Variants in PPP1R36 observed in about 807,000 individuals in gnomAD.
PPP1R36 encodes protein phosphatase 1 regulatory subunit 36.
Under a neutral mutation model 53.4 loss-of-function variants are expected in PPP1R36, and 47 were observed. The observed-to-expected ratio is 0.88, with a 90% CI of 0.70 to 1.12. The LOEUF (loss-of-function observed/expected upper bound fraction) is 1.12, where lower values mean the gene tolerates loss of function less well. Among genes scored for constraint, PPP1R36 ranks in the 50% most tolerant of loss-of-function variants. The probability of loss-of-function intolerance (pLI) is 0.00; values close to 1 mark genes in which losing one functional copy is unlikely to be tolerated. For missense variants in PPP1R36, 456 were observed against 513.9 expected (o/e 0.89, Z 1.09); for synonymous variants, 153 against 170.5 (o/e 0.90, Z 0.80).
chr14:64,585,619 C>T (rs1349641714), intron 8 of PPP1R36, among the ~76,000 whole-genome samples: 1 of 151,770 alleles, frequency 6.6e-6, no homozygotes, highest in African/African-American at 2.4e-5. Flanking sequence ...CCAGAACCAT[C>T]CTGAACTCCT....
chr14:64,589,380 T>G lies in PPP1R36; in HGVS notation c.*42T>G. ...TCTCAAGTAAACTACTTTGACTTTA[T>G]AGAAGATGGTTATTCGTTGTTATTA... On this transcript the variant is annotated 3_prime_UTR_variant, in exon 12 of 12. Coordinates refer to ENST00000298705, the MANE Select transcript of PPP1R36 (RefSeq NM_172365.3). 1.4e-6 allele frequency: 2 copies of G among 1,397,486 alleles called. No individual in the cohort carries two copies. The highest frequency in any genetic ancestry group is 1.8e-4 in the Middle Eastern group (1 of 5,632). 86.6% of individuals were successfully genotyped at this position (1,397,486 alleles called of 1,614,324 possible). A position where few individuals can be genotyped will look rare whatever the true frequency, so the allele number is the denominator to read the frequency against.
At chr14:64,556,107 T>A (rs1056370240) in intron 3 of PPP1R36, among the ~76,000 whole-genome samples, 4 of 151,092 alleles carry the variant, frequency 2.6e-5, no homozygotes, top group African/African-American at 4.9e-5. Context: ...AATTCCAAAA[T>A]CTGAAGTCTT....
At chr14:64,553,174 C>T (rs1454046911) in intron 3 of PPP1R36, among the ~76,000 whole-genome samples, 1 of 151,990 alleles carries the variant, frequency 6.6e-6, no homozygotes, top group Non-Finnish European at 1.5e-5. Context: ...AGGCTGGTCT[C>T]GAACTCCTGG....
chr14:64,579,192 A>C (rs2080366899), intron 8 of PPP1R36, among the ~76,000 whole-genome samples: 1 of 152,236 alleles, frequency 6.6e-6, no homozygotes, highest in Admixed American at 6.5e-5. Context: ...CGATGTGATA[A>C]TACGTACAAC....
chr14:64,588,374 A>C (rs1596753121), intron 11 of PPP1R36, 79 bp downstream of exon 11: 1 of 1,271,308 alleles, frequency 7.9e-7, no homozygotes, highest in African/African-American at 1.5e-5. Context: ...GGGCCCAGGC[A>C]CCATGCCTCT....
chr14:64,558,049 A>G (rs1003837483), intron 3 of PPP1R36, among the ~76,000 whole-genome samples: 3 of 152,162 alleles, frequency 2.0e-5, no homozygotes, highest in Non-Finnish European at 4.4e-5. Context: ...TGATACAGAT[A>G]GGCCTCAGGG....
intron 3 of PPP1R36, among the ~76,000 whole-genome samples, chr14:64,554,151 T>TG (rs2080124238): frequency 2.1e-5 from 3 of 142,114 alleles, no homozygotes; most frequent in Admixed American, 6.9e-5. Context: ...TGTTTTTTTT[T>TG]TTTTTTTTTT....
chr14:64,586,726 A>T, intron 8 of PPP1R36, 111 bp from the exon 9 acceptor site: 1 of 695,884 alleles, frequency 1.4e-6, no homozygotes, highest in South Asian at 2.1e-5. Context: ...TGTAGCTGAA[A>T]ATAATCTTGG....
chr14:64,552,727 C>A lies in PPP1R36; in HGVS notation c.135-87C>A, dbSNP rs1015216160. ...CTTAACATTTTATTAGAGTCAAAAT[C>A]AAAAGTTTACATTTTATAGAATATG... On this transcript the variant is annotated intron_variant, in intron 2 of 11. Coordinates refer to ENST00000298705, the MANE Select transcript of PPP1R36 (RefSeq NM_172365.3). 107 of 1,037,172 alleles carry A rather than the reference C, an allele frequency of 1.0e-4. 1 individual carries two copies. The highest frequency in any genetic ancestry group is 4.0e-5 in the Admixed American group (2 of 49,824). 64.2% of individuals were successfully genotyped at this position (1,037,172 alleles called of 1,614,324 possible).
chr14:64,562,910 A>C (rs1173862741), intron 3 of PPP1R36, among the ~76,000 whole-genome samples: 8 of 152,138 alleles, frequency 5.3e-5, no homozygotes, highest in Admixed American at 5.2e-4. Context: ...CTTGTTGCCC[A>C]GGCTGGAGTG....
At chr14:64,565,532 C>T (rs1596732815) in intron 5 of PPP1R36, 78 bp downstream of exon 5, 3 of 1,415,072 alleles carry the variant, frequency 2.1e-6, no homozygotes, top group Middle Eastern at 1.8e-4. Flanking sequence ...AACATCCGCC[C>T]ATCTACATAT....
rs752808011 is a variant in PPP1R36 at position 64,564,607 on chromosome 14, A to G, written c.183-144A>G. On this transcript the variant is annotated intron_variant, in intron 3 of 11. Coordinates refer to ENST00000298705, the MANE Select transcript of PPP1R36 (RefSeq NM_172365.3). ...AATTTTTTCTCTAGATAAGTGTTCC[A>G]TATATAAATAGATGAATTGAACACT... The G allele has an allele frequency of 1.4e-5, 7 of 515,310 alleles. No homozygotes were observed. The South Asian group carries it at 1.4e-4, about 10-fold the overall frequency. The allele number at this position is 515,310 out of a possible 1,614,324, so 31.9% of individuals were successfully genotyped here. A position where few individuals can be genotyped will look rare whatever the true frequency, so the allele number is the denominator to read the frequency against.
intron 8 of PPP1R36, among the ~76,000 whole-genome samples, chr14:64,582,758 A>C (rs908751226): frequency 3.3e-5 from 5 of 152,138 alleles, no homozygotes; most frequent in Non-Finnish European, 5.9e-5. Context: ...GCTACTAGAA[A>C]ATTTAAAATT....
chr14:64,551,009 A>C lies in PPP1R36; in HGVS notation c.134+24A>C, dbSNP rs768220460. ...AGGTAAAATTTAACAACACTTTATT[A>C]GAGTTTTTATAAAAATTACATGTGC... On this transcript the variant is annotated intron_variant, in intron 2 of 11. Transcript: ENST00000298705. 8 of 1,509,134 alleles carry C rather than the reference A, an allele frequency of 5.3e-6. No individual in the cohort carries two copies. In the African/African-American group the frequency reaches 9.7e-5, roughly 18 times the overall value. The allele number at this position is 1,509,134 out of a possible 1,614,324, so 93.5% of individuals were successfully genotyped here.
chr14:64,568,191 G>C (rs1054637108), intron 6 of PPP1R36, among the ~76,000 whole-genome samples, 158 bp from the exon 7 acceptor site: 2 of 152,064 alleles, frequency 1.3e-5, no homozygotes, highest in African/African-American at 4.8e-5. Context: ...ATATATAGTA[G>C]ATATAATTTT....
chr14:64,588,695 G>T, intron 11 of PPP1R36: 1 of 182,368 alleles, frequency 5.5e-6, no homozygotes. Context: ...TGAGTAGCTG[G>T]GATTATAGGC....
intron 7 of PPP1R36, among the ~76,000 whole-genome samples, chr14:64,569,958 C>T (rs1426447186): frequency 6.6e-6 from 1 of 151,606 alleles, no homozygotes; most frequent in African/African-American, 2.4e-5. Context: ...AATCTGGTCT[C>T]GAACTCCTGA....
intron 3 of PPP1R36, among the ~76,000 whole-genome samples, chr14:64,554,476 C>CCTATCTGTTACAGATAGTTA (rs1566647825): frequency 1.4e-4 from 21 of 152,070 alleles, no homozygotes; most frequent in African/African-American, 4.4e-4. Context: ...ACAGATAGTT[C>CCTATCTGTTACAGATAGTTA]AAACCTATCT....
At chr14:64,550,268 A>C in intron 1 of PPP1R36, 5 of 1,374,668 alleles carry the variant, frequency 3.6e-6, no homozygotes, top group Non-Finnish European at 4.7e-6. Context: ...TCAGAATTGA[A>C]TTCTGGCTCC....
Sources: allele counts gnomAD v4.1 joint callset (sites outside exome capture counted in the v4.1 genomes callset), GRCh38; gene constraint gnomAD v4.1.1; transcripts MANE v1.5; gene names NCBI Gene and HGNC (gene_info 2026-07-23, HGNC 2026-07-21).